PTPRD: variants seen among roughly 807,000 people sequenced by gnomAD.
PTPRD encodes receptor-type tyrosine-protein phosphatase delta.
PTPRD carries 34 observed loss-of-function variants against 214.5 expected under a neutral mutation model. The ratio of observed to expected loss-of-function variants is 0.16; its 90% CI spans 0.12 to 0.21. The LOEUF (loss-of-function observed/expected upper bound fraction) is 0.21. Among genes scored for constraint, PTPRD ranks in the 10% least tolerant of loss-of-function variants. The pLI is 1.00. For missense variants in PTPRD, 2,545 were observed against 2,398.7 expected (o/e 1.06, Z -1.27); for synonymous variants, 1,128 against 845.7 (o/e 1.33, Z -5.79).
chr9:8,691,709 G>A (rs938961207), intron 12 of PTPRD, among the ~76,000 whole-genome samples: 4 of 152,234 alleles, frequency 2.6e-5, no homozygotes, highest in Admixed American at 1.3e-4. Flanking sequence ...CTCAGTACTT[G>A]CCAGCTTTCT....
At position 9,821,009 on chromosome 9, in the gene PTPRD, C is replaced by T. The variant is rs191877260; in HGVS notation, c.-367-54158G>A. On this transcript the variant is annotated intron_variant, in intron 5 of 45. Coordinates refer to ENST00000381196, the MANE Select transcript of PTPRD (RefSeq NM_002839.4). ...AGAATAGTTTTCTTTTTTCTAGTTCCATGAAACATGTTGGTAGTTTGATAG... is the reference window on the plus strand; with the variant it reads ...AGAATAGTTTTCTTTTTTCTAGTTCTATGAAACATGTTGGTAGTTTGATAG... Among the ~76,000 whole-genome samples the T allele has an allele frequency of 2.0e-5, 3 of 152,074 alleles. No individual in the cohort carries two copies. In the East Asian group the frequency reaches 5.8e-4, roughly 29 times the overall value.
chr9:9,721,819 G>A (rs1002050960), intron 7 of PTPRD, among the ~76,000 whole-genome samples: 1 of 152,024 alleles, frequency 6.6e-6, no homozygotes, highest in African/African-American at 2.4e-5. Flanking sequence ...AAAATTAACA[G>A]CACTGAATCA....
chr9:8,822,497 A>G (rs1025616041), intron 11 of PTPRD, among the ~76,000 whole-genome samples: 1 of 152,212 alleles, frequency 6.6e-6, no homozygotes, highest in Non-Finnish European at 1.5e-5. Context: ...TTACATTTAT[A>G]CCTTGGTTGG....
At chr9:9,488,649 C>T (rs1377806279) in intron 8 of PTPRD, among the ~76,000 whole-genome samples, 1 of 152,070 alleles carries the variant, frequency 6.6e-6, no homozygotes, top group East Asian at 1.9e-4. Context: ...AATTTGTCTC[C>T]CCACTTAGGA....
At chr9:8,951,160 A>AGTGTGTGTGTGTGTGTGT (rs746693477) in intron 11 of PTPRD, among the ~76,000 whole-genome samples, 10 of 19,966 alleles carry the variant, frequency 5.0e-4, no homozygotes, top group Admixed American at 1.0e-3. Flanking sequence ...TGTGTGTGTA[A>AGTGTGTGTGTGTGTGTGT]GAGAGAGAGA....
chr9:9,829,192 G>C (rs2053989951), intron 5 of PTPRD, among the ~76,000 whole-genome samples: 1 of 151,756 alleles, frequency 6.6e-6, no homozygotes, highest in African/African-American at 2.4e-5. Context: ...ATTCAAATTG[G>C]TGTTGACATA....
chr9:9,507,678 A>C (rs1287791944), intron 8 of PTPRD, among the ~76,000 whole-genome samples: 1 of 151,434 alleles, frequency 6.6e-6, no homozygotes, highest in African/African-American at 2.4e-5. Flanking sequence ...TAGTAAAGAC[A>C]ATTAGGTCAT....
chr9:10,179,816 G>A, intron 3 of PTPRD, among the ~76,000 whole-genome samples: 1 of 152,036 alleles, frequency 6.6e-6, no homozygotes, highest in Non-Finnish European at 1.5e-5. Flanking sequence ...CTCTTCAGCA[G>A]TAAGCCTACA....
chr9:9,452,827 C>T (rs921043410), intron 8 of PTPRD, among the ~76,000 whole-genome samples: 2 of 151,316 alleles, frequency 1.3e-5, no homozygotes, highest in Admixed American at 6.6e-5. Flanking sequence ...TATTAAAGAA[C>T]ACTAAGCTAT....
intron 8 of PTPRD, among the ~76,000 whole-genome samples, chr9:9,525,464 G>C (rs1055749655): frequency 1.3e-5 from 2 of 152,108 alleles, no homozygotes; most frequent in African/African-American, 2.4e-5. Context: ...GCTTCCATGA[G>C]TTAGAGGGAT....
chr9:10,280,948 C>T (rs2095070947), intron 3 of PTPRD, among the ~76,000 whole-genome samples: 1 of 152,084 alleles, frequency 6.6e-6, no homozygotes, highest in African/African-American at 2.4e-5. Context: ...CCCAGGTGTG[C>T]TAATGCCAGT....
chr9:9,307,829 T>C (rs1370408502), intron 9 of PTPRD, among the ~76,000 whole-genome samples: 1 of 152,280 alleles, frequency 6.6e-6, no homozygotes, highest in African/African-American at 2.4e-5. Context: ...CAAAACCTCA[T>C]TGCACTTCGT....
intron 3 of PTPRD, among the ~76,000 whole-genome samples, chr9:10,335,424 T>C (rs2096827783): frequency 6.6e-6 from 1 of 151,708 alleles, no homozygotes; most frequent in South Asian, 2.1e-4. Context: ...TCACAAATCT[T>C]GCACCCTTAA....
intron 14 of PTPRD, among the ~76,000 whole-genome samples, chr9:8,574,021 G>T (rs573498227): frequency 6.6e-6 from 1 of 151,770 alleles, no homozygotes; most frequent in Non-Finnish European, 1.5e-5. Context: ...CAGTTCCAGG[G>T]ACTTTCTGGT....
chr9:10,449,632 G>A (rs1335700945), intron 2 of PTPRD, among the ~76,000 whole-genome samples: 2 of 150,338 alleles, frequency 1.3e-5, no homozygotes, highest in Non-Finnish European at 3.0e-5. Context: ...GATGTGGGGA[G>A]CGCCTCTGCC....
intron 8 of PTPRD, among the ~76,000 whole-genome samples, chr9:9,420,694 C>A (rs568238411): frequency 2.0e-5 from 3 of 151,840 alleles, no homozygotes; most frequent in Non-Finnish European, 4.4e-5. Context: ...GTACTCACCT[C>A]TGCATGTATA....
chr9:10,330,305 T>C (rs1376428363), intron 3 of PTPRD, among the ~76,000 whole-genome samples: 1 of 151,742 alleles, frequency 6.6e-6, no homozygotes, highest in Non-Finnish European at 1.5e-5. Flanking sequence ...GGAAAAATAA[T>C]AAAACAGATA....
At chr9:10,175,666 A>T (rs1295079354) in intron 3 of PTPRD, among the ~76,000 whole-genome samples, 1 of 152,050 alleles carries the variant, frequency 6.6e-6, no homozygotes, top group Non-Finnish European at 1.5e-5. Context: ...ATATTAAAGT[A>T]TGTTGAAATA....
rs371884951 is a variant in PTPRD at position 10,386,776 on chromosome 9, C to A, written c.-599-45759G>T. Among the ~76,000 whole-genome samples, 29 of 151,622 alleles carry A rather than the reference C, an allele frequency of 1.9e-4. 1 individual carries two copies. Among genetic ancestry groups the A allele is most frequent in the African/African-American group, 6.0e-4 (25 of 41,382 alleles). On this transcript the variant is annotated intron_variant, in intron 2 of 45. Transcript: ENST00000381196. The stretch of plus-strand genomic sequence containing the variant: ...TCTGTGTTAGGAAGAACAATGGATC[C>A]CCAAAAATAGCCACACCCTAGAAGC...
Sources: allele counts gnomAD v4.1 joint callset (sites outside exome capture counted in the v4.1 genomes callset), GRCh38; gene constraint gnomAD v4.1.1; transcripts MANE v1.5; gene names NCBI Gene and HGNC (gene_info 2026-07-23, HGNC 2026-07-21).